The following COL25A1 variants were observed in gnomAD, a reference collection of about 807,000 sequenced individuals.
The protein encoded by COL25A1 is collagen alpha-1(XXV) chain.
A neutral mutation model predicts 128.4 loss-of-function variants in COL25A1; 103 were observed. The ratio of observed to expected loss-of-function variants is 0.80; its 90% CI spans 0.68 to 0.94. COL25A1 has a LOEUF of 0.94. Ranked by LOEUF, COL25A1 falls within the 40% of genes least tolerant of loss-of-function variation. The probability of loss-of-function intolerance (pLI) is 0.00; values close to 1 mark genes in which losing one functional copy is unlikely to be tolerated. For missense variants in COL25A1, 745 were observed against 840.0 expected, an observed-to-expected ratio of 0.89 and a Z score of 1.40; for synonymous variants, 279 against 277.2, an observed-to-expected ratio of 1.01 and a Z score of -0.06.
At chr4:109,231,155 AT>A (rs762996055) in intron 3 of COL25A1, among the ~76,000 whole-genome samples, 46 of 152,146 alleles carry the variant, frequency 3.0e-4, no homozygotes, top group South Asian at 4.1e-4. Context: ...AAATAAAAAA[AT>A]AATAATAAAT....
chr4:109,124,515 T>C (rs3108943), intron 3 of COL25A1, among the ~76,000 whole-genome samples: 129 of 152,156 alleles, frequency 8.5e-4, no homozygotes, highest in African/African-American at 3.0e-3. Flanking sequence ...ATAAAAAACA[T>C]CAGCTCACAA....
At chr4:108,936,824 T>TATATATATATA (rs4036496) in intron 11 of COL25A1, among the ~76,000 whole-genome samples, 1 of 147,514 alleles carries the variant, frequency 6.8e-6, no homozygotes, top group South Asian at 2.1e-4. Context: ...TATATATATA[T>TATATATATATA]TTAGAGACAG....
At chr4:108,882,368 A>G (rs974920398) in intron 19 of COL25A1, among the ~76,000 whole-genome samples, 1 of 152,056 alleles carries the variant, frequency 6.6e-6, no homozygotes, top group African/African-American at 2.4e-5. Context: ...TAGATTTCAA[A>G]GCACGGAGGT....
intron 19 of COL25A1, among the ~76,000 whole-genome samples, chr4:108,877,477 C>T (rs1037441386): frequency 3.9e-5 from 6 of 152,156 alleles, no homozygotes; most frequent in African/African-American, 7.2e-5. Context: ...ATGTAAACTA[C>T]AGAAGATTTA....
chr4:109,076,643 T>C (rs1208931750), intron 3 of COL25A1, among the ~76,000 whole-genome samples: 1 of 152,062 alleles, frequency 6.6e-6, no homozygotes, highest in Non-Finnish European at 1.5e-5. Flanking sequence ...TTACATTTAT[T>C]GTGCACTTTA....
rs114281309 is a variant in COL25A1 at position 108,877,136 on chromosome 4, A to G, written c.1020+7042T>C. Among the ~76,000 whole-genome samples the G allele has an allele frequency of 3.3e-3, 510 of 152,354 alleles. 4 individuals are homozygous for G. Among genetic ancestry groups the G allele is most frequent in the African/African-American group, 0.011 (475 of 41,584 alleles). ...GACACAGGCTGCTAATTTGAACAAA[A>G]GATTTAAACAGCCAGGGCGCATTCA... On this transcript the variant is annotated intron_variant, in intron 19 of 37. Transcript: ENST00000399132.
At chr4:109,107,755 C>T (rs1027404588) in intron 3 of COL25A1, among the ~76,000 whole-genome samples, 1 of 151,682 alleles carries the variant, frequency 6.6e-6, no homozygotes, top group African/African-American at 2.4e-5. Context: ...AACTGATAGC[C>T]TTTACACAAA....
intron 3 of COL25A1, among the ~76,000 whole-genome samples, chr4:109,075,223 T>A (rs1763281138): frequency 6.6e-6 from 1 of 152,130 alleles, no homozygotes. Flanking sequence ...GAACAGAATA[T>A]CACTGTTAGT....
chr4:108,963,186 C>T (rs939667196), intron 8 of COL25A1, among the ~76,000 whole-genome samples: 1 of 152,196 alleles, frequency 6.6e-6, no homozygotes. Flanking sequence ...CCTCCAGTCC[C>T]TTCTGTAAAT....
intron 3 of COL25A1, among the ~76,000 whole-genome samples, chr4:109,219,632 T>C (rs1436758232): frequency 6.6e-6 from 1 of 152,170 alleles, no homozygotes; most frequent in Non-Finnish European, 1.5e-5. Flanking sequence ...TTATTTTCAA[T>C]AATTCCTGTC....
At chr4:109,233,560 A>T (rs536832182) in intron 3 of COL25A1, among the ~76,000 whole-genome samples, 1 of 152,302 alleles carries the variant, frequency 6.6e-6, no homozygotes, top group African/African-American at 2.4e-5. Context: ...CACTGGAAGA[A>T]CAGATTCAAA....
At chr4:109,124,668 C>T (rs1768419847) in intron 3 of COL25A1, among the ~76,000 whole-genome samples, 1 of 151,836 alleles carries the variant, frequency 6.6e-6, no homozygotes, top group Non-Finnish European at 1.5e-5. Context: ...AGATGTCCAA[C>T]AATAAATGCA....
intron 3 of COL25A1, among the ~76,000 whole-genome samples, chr4:109,258,062 G>C (rs1398547548): frequency 2.0e-5 from 3 of 152,076 alleles, no homozygotes; most frequent in African/African-American, 7.2e-5. Flanking sequence ...CCAATTAACA[G>C]AGCCCAGTTG....
At chr4:108,842,746 G>A (rs952759794) in intron 30 of COL25A1, among the ~76,000 whole-genome samples, 1 of 152,118 alleles carries the variant, frequency 6.6e-6, no homozygotes, top group Non-Finnish European at 1.5e-5. Flanking sequence ...TGAACAGGCT[G>A]TAGCATTTTC....
intron 8 of COL25A1, among the ~76,000 whole-genome samples, chr4:108,954,827 A>G (rs1392122658): frequency 6.6e-6 from 1 of 152,124 alleles, no homozygotes; most frequent in Non-Finnish European, 1.5e-5. Context: ...AAAGGGAATG[A>G]CAATGCTCTG....
chr4:109,250,392 A>ACACACACACACACACACACACC, intron 3 of COL25A1, among the ~76,000 whole-genome samples: 1 of 151,862 alleles, frequency 6.6e-6, no homozygotes, highest in African/African-American at 2.4e-5. Context: ...ACACACACAC[A>ACACACACACACACACACACACC]CACATATGGG....
chr4:108,897,160 G>A (rs1001325365), intron 15 of COL25A1, among the ~76,000 whole-genome samples: 2 of 152,052 alleles, frequency 1.3e-5, no homozygotes, highest in Non-Finnish European at 2.9e-5. Context: ...CTGTCTTCAA[G>A]CATATCTCAA....
intron 24 of COL25A1, among the ~76,000 whole-genome samples, chr4:108,853,395 CGTGT>C (rs10678976): frequency 6.6e-6 from 1 of 151,268 alleles, no homozygotes; most frequent in Non-Finnish European, 1.5e-5. Context: ...TGTGTGTGTG[CGTGT>C]GTGTGTGCCA....
At chr4:109,166,414 G>T (rs754148815) in intron 3 of COL25A1, among the ~76,000 whole-genome samples, 2 of 152,086 alleles carry the variant, frequency 1.3e-5, no homozygotes, top group Non-Finnish European at 2.9e-5. Context: ...CCAAATAAGT[G>T]TCATTTTCCT....
Sources: allele counts gnomAD v4.1 joint callset (sites outside exome capture counted in the v4.1 genomes callset), GRCh38; gene constraint gnomAD v4.1.1; transcripts MANE v1.5; gene names NCBI Gene and HGNC (gene_info 2026-07-23, HGNC 2026-07-21).